Variants in CDH13 observed in about 807,000 individuals in gnomAD.
CDH13 encodes cadherin-13.
In CDH13, 24 loss-of-function variants were observed where a neutral mutation model predicts 63.8. The observed-to-expected ratio is 0.38, with a 90% CI of 0.27 to 0.53. The LOEUF (loss-of-function observed/expected upper bound fraction) is 0.53. Among genes scored for constraint, CDH13 ranks in the 20% least tolerant of loss-of-function variants. The pLI is 0.85. For missense variants in CDH13, 1,049 were observed against 903.1 expected (o/e 1.16, Z -2.07); for synonymous variants, 503 against 355.3 (o/e 1.42, Z -4.67).
rs147097024 is a variant in CDH13 at position 82,846,636 on chromosome 16, C to G, written c.46-11726C>G. Among the ~76,000 whole-genome samples the G allele has an allele frequency of 4.6e-3, 694 of 152,314 alleles. 4 individuals are homozygous for G. Among genetic ancestry groups the G allele is most frequent in the African/African-American group, 0.016 (654 of 41,558 alleles). ...ATCTTTACTCTGAGCTACTTTTTAA[C>G]TGATTCTCAATGTATAGTCACATAG... On this transcript the variant is annotated intron_variant, in intron 1 of 13. Transcript: ENST00000567109.
intron 7 of CDH13, among the ~76,000 whole-genome samples, chr16:83,513,633 C>T (rs2074627118): frequency 6.6e-6 from 1 of 152,044 alleles, no homozygotes; most frequent in South Asian, 2.1e-4. Context: ...AGGGATAGCC[C>T]CTTATAAAAC....
At chr16:83,368,658 A>G (rs1047170963) in intron 6 of CDH13, among the ~76,000 whole-genome samples, 1 of 143,364 alleles carries the variant, frequency 7.0e-6, no homozygotes, top group Non-Finnish European at 1.5e-5. Flanking sequence ...GTAGTCTCGT[A>G]TCCGTTGCCA....
intron 7 of CDH13, among the ~76,000 whole-genome samples, chr16:83,517,285 A>G (rs1158732358): frequency 6.6e-6 from 1 of 152,250 alleles, no homozygotes; most frequent in South Asian, 2.1e-4. Context: ...CAAACTTGAA[A>G]TATTAATCAG....
intron 1 of CDH13, among the ~76,000 whole-genome samples, chr16:82,677,235 A>T (rs1914032051): frequency 1.3e-5 from 2 of 152,280 alleles, no homozygotes; most frequent in East Asian, 3.9e-4. Context: ...ATGCAGACTC[A>T]TTCATCCTTT....
chr16:83,269,170 C>T (rs149971076), intron 5 of CDH13, among the ~76,000 whole-genome samples: 19 of 152,298 alleles, frequency 1.2e-4, no homozygotes, highest in African/African-American at 4.3e-4. Flanking sequence ...TGTGAGGCTT[C>T]TTAGAAATTC....
intron 2 of CDH13, among the ~76,000 whole-genome samples, chr16:82,964,726 T>G (rs1907559457): frequency 6.6e-6 from 1 of 152,238 alleles, no homozygotes; most frequent in Non-Finnish European, 1.5e-5. Context: ...CTGTGCATTT[T>G]AAAAAGTAAA....
intron 6 of CDH13, among the ~76,000 whole-genome samples, chr16:83,378,141 C>T (rs1552556): frequency 0.12 from 18,018 of 152,216 alleles, 1,160 homozygotes; most frequent in African/African-American, 0.15. Context: ...ATCATCACTA[C>T]GATTTATCCA....
intron 3 of CDH13, among the ~76,000 whole-genome samples, chr16:83,111,691 G>T (rs2035065095): frequency 6.6e-6 from 1 of 152,172 alleles, no homozygotes; most frequent in Non-Finnish European, 1.5e-5. Context: ...GAGATGAGAA[G>T]CAGTGAAGCA....
intron 2 of CDH13, among the ~76,000 whole-genome samples, chr16:82,999,819 G>A (rs1407664850): frequency 6.6e-6 from 1 of 152,080 alleles, no homozygotes; most frequent in South Asian, 2.1e-4. Context: ...GGCTAATGAC[G>A]CTGCCTCTGC....
At chr16:83,315,989 A>G (rs1441903886) in intron 5 of CDH13, among the ~76,000 whole-genome samples, 1 of 152,214 alleles carries the variant, frequency 6.6e-6, no homozygotes, top group African/African-American at 2.4e-5. Context: ...TAAAGGAAAG[A>G]GGTTTAATTG....
At chr16:82,631,116 C>T (rs1191292420) in intron 1 of CDH13, among the ~76,000 whole-genome samples, 1 of 151,770 alleles carries the variant, frequency 6.6e-6, no homozygotes, top group African/African-American at 2.4e-5. Flanking sequence ...TTCTCGCTAG[C>T]TTTCTTCTTG....
At chr16:83,524,029 C>T (rs2074900409) in intron 7 of CDH13, among the ~76,000 whole-genome samples, 1 of 152,154 alleles carries the variant, frequency 6.6e-6, no homozygotes, top group South Asian at 2.1e-4. Context: ...AATCACTTAC[C>T]CTGCAGTCCA....
chr16:83,483,781 T>C (rs6563911), intron 6 of CDH13, among the ~76,000 whole-genome samples: 142,903 of 152,154 alleles, frequency 0.94, 67,789 homozygotes, highest in East Asian at 1. Context: ...GGGATATCCT[T>C]AAGTTTGCCT....
chr16:83,389,895 G>A (rs913413477), intron 6 of CDH13, among the ~76,000 whole-genome samples: 1 of 152,202 alleles, frequency 6.6e-6, no homozygotes, highest in African/African-American at 2.4e-5. Context: ...CATGCAGACA[G>A]GGTCTGATAA....
At chr16:82,960,351 C>T (rs1237313539) in intron 2 of CDH13, among the ~76,000 whole-genome samples, 1 of 151,992 alleles carries the variant, frequency 6.6e-6, no homozygotes, top group Non-Finnish European at 1.5e-5. Flanking sequence ...TCATGATGGA[C>T]CTATTTGTCT....
chr16:83,517,189 C>T (rs566317844), intron 7 of CDH13, among the ~76,000 whole-genome samples: 2 of 152,230 alleles, frequency 1.3e-5, no homozygotes, highest in South Asian at 4.2e-4. Context: ...AGCAGCAGGT[C>T]ATACTCAGCT....
chr16:83,100,472 A>G (rs780090230), intron 3 of CDH13, among the ~76,000 whole-genome samples: 2 of 152,178 alleles, frequency 1.3e-5, no homozygotes, highest in Non-Finnish European at 2.9e-5. Flanking sequence ...ATTGGTTTAG[A>G]GACAAGATAG....
At chr16:83,067,234 G>A (rs144596875) in intron 3 of CDH13, among the ~76,000 whole-genome samples, 147 of 152,284 alleles carry the variant, frequency 9.7e-4, no homozygotes, top group African/African-American at 3.3e-3. Flanking sequence ...CTGTATCTCT[G>A]AGTAATGTTG....
At chr16:83,395,388 T>C (rs539877876) in intron 6 of CDH13, among the ~76,000 whole-genome samples, 4 of 152,236 alleles carry the variant, frequency 2.6e-5, no homozygotes, top group African/African-American at 9.6e-5. Flanking sequence ...CGAGTTCTTC[T>C]GGGAGGTCCT....
Sources: allele counts gnomAD v4.1 joint callset (sites outside exome capture counted in the v4.1 genomes callset), GRCh38; gene constraint gnomAD v4.1.1; transcripts MANE v1.5; gene names NCBI Gene and HGNC (gene_info 2026-07-23, HGNC 2026-07-21).